ANAPC4: variants seen among roughly 807,000 people sequenced by gnomAD.
The protein encoded by ANAPC4 is anaphase promoting complex subunit 4.
Under a neutral mutation model 119.8 loss-of-function variants are expected in ANAPC4, and 63 were observed. That is an observed-to-expected ratio of 0.53 (90% CI 0.43 to 0.65). The LOEUF is 0.65. Ranked by LOEUF, ANAPC4 falls within the 30% of genes least tolerant of loss-of-function variation. ANAPC4 has a pLI of 0.00. For synonymous variants in ANAPC4, 283 were observed against 318.6 expected (o/e 0.89, Z 1.19); for missense variants, 716 against 945.1 (o/e 0.76, Z 3.18).
intron 9 of ANAPC4, among the ~76,000 whole-genome samples, chr4:25,391,405 T>C (rs1349425378): frequency 6.6e-6 from 1 of 152,258 alleles, no homozygotes; most frequent in East Asian, 1.9e-4. Context: ...AGCATCATAA[T>C]AGGCAGATAC....
intron 10 of ANAPC4, among the ~76,000 whole-genome samples, chr4:25,393,299 A>C (rs1349581057): frequency 1.3e-5 from 2 of 152,232 alleles, no homozygotes; most frequent in Non-Finnish European, 2.9e-5. Context: ...AATTCTAAGA[A>C]TCAATGGAAT....
At position 25,378,314 on chromosome 4, in the gene ANAPC4, A is replaced by T. The variant is rs1163994499; in HGVS notation, c.129+758A>T. On this transcript the variant is annotated intron_variant, in intron 2 of 28. Transcript: ENST00000315368. ...CTTGAGAGTTATCTGGCCATGTGAG[A>T]GTTGTATAGAGCCAAATTTGGAAAC... Among the ~76,000 whole-genome samples the T allele has an allele frequency of 2.0e-5, 3 of 152,236 alleles. No individual in the cohort carries two copies. In the East Asian group the frequency reaches 5.8e-4, roughly 29 times the overall value.
Position 25,405,486 on chromosome 4 carries a change from A to C in ANAPC4, c.1271-87A>C. 7.8e-7 allele frequency: 1 copy of C among 1,280,344 alleles called. No individual in the cohort carries two copies. Among genetic ancestry groups the C allele is most frequent in the East Asian group, 2.5e-5 (1 of 40,590 alleles). 79.3% of individuals were successfully genotyped at this position (1,280,344 alleles called of 1,614,324 possible). ...GTAAAATTGAAGATTTAGTTCAGTC[A>C]AACACCTTGTCTTTGAAATGTATTT... On this transcript the variant is annotated intron_variant, in intron 17 of 28. Transcript: ENST00000315368. This position sits in a 1 kb window ranked among gnomAD's most constrained non-coding sequence, Gnocchi z 4.6.
At chr4:25,411,218 C>T (rs953717622) in intron 21 of ANAPC4, among the ~76,000 whole-genome samples, 1 of 152,082 alleles carries the variant, frequency 6.6e-6, no homozygotes, top group African/African-American at 2.4e-5. Flanking sequence ...AATCAGGATG[C>T]CCAGGGAATA....
intron 8 of ANAPC4, among the ~76,000 whole-genome samples, chr4:25,390,606 C>G (rs1394952481): frequency 6.6e-6 from 1 of 152,176 alleles, no homozygotes; most frequent in Non-Finnish European, 1.5e-5. Context: ...TTCTCCATAG[C>G]TTTTTCATCA....
Position 25,390,900 on chromosome 4 carries a change from C to G in ANAPC4, c.601-11C>G. 6.2e-7 allele frequency: 1 copy of G among 1,600,618 alleles called. No homozygotes were observed. The highest frequency in any genetic ancestry group is 1.1e-5 in the South Asian group (1 of 90,576). On this transcript the variant is annotated splice_polypyrimidine_tract_variant and intron_variant, in intron 8 of 28. Transcript: ENST00000315368. Reference sequence around the variant, plus strand: ...ATACTAAATATACTAAGGGGTTTGACTCTTTTACAGATTGCTGGTACTTGT... The same window carrying G: ...ATACTAAATATACTAAGGGGTTTGAGTCTTTTACAGATTGCTGGTACTTGT...
chr4:25,408,502 CAG>C (rs1381841635), intron 20 of ANAPC4, among the ~76,000 whole-genome samples: 1 of 149,516 alleles, frequency 6.7e-6, no homozygotes. Context: ...GTGAAGCACA[CAG>C]GGGCAGATGC....
intron 21 of ANAPC4, among the ~76,000 whole-genome samples, chr4:25,411,140 T>A (rs2109142399): frequency 6.6e-6 from 1 of 152,290 alleles, no homozygotes; most frequent in South Asian, 2.1e-4. Flanking sequence ...GGAGATGCAT[T>A]GGTGCAAGTT....
intron 2 of ANAPC4, 44 bp from the exon 3 acceptor site, chr4:25,380,330 A>C: frequency 6.7e-7 from 1 of 1,496,808 alleles, no homozygotes; most frequent in Non-Finnish European, 9.2e-7. Flanking sequence ...TTATTTTTGG[A>C]AATGAATTTT....
chr4:25,400,444 C>T (rs12506959), intron 16 of ANAPC4, among the ~76,000 whole-genome samples: 84,361 of 151,882 alleles, frequency 0.56, 24,040 homozygotes, highest in Non-Finnish European at 0.61. Flanking sequence ...TTTTATTATC[C>T]TAACAAGACA....
Position 25,413,732 on chromosome 4 carries a change from A to G in ANAPC4, c.1613A>G (p.Gln538Arg), listed in dbSNP as rs1420004005. The G allele has an allele frequency of 6.2e-7, 1 of 1,611,880 alleles. No homozygotes were observed. Residue 538 changes from glutamine to arginine, a missense_variant, in exon 22 of 29, where the codon CAA (glutamine) becomes CGA (arginine). Gln to Arg is a conservative substitution (Grantham distance 43). This residue lies in a region of ANAPC4 where 504 missense variants were observed against 615.8 expected (regional missense o/e 0.82). Transcript: ENST00000315368. Reference sequence around the variant, plus strand: ...GAGAATATTATTGATCAGTGTTTGCAAAAGCCAGCAGTAAGTTTGAAAGAA... The same window carrying G: ...GAGAATATTATTGATCAGTGTTTGCGAAAGCCAGCAGTAAGTTTGAAAGAA... Reference protein sequence around the residue: ...RMENIIDQCLQKPADVIGKSM... With the variant: ...RMENIIDQCLRKPADVIGKSM...
At position 25,418,355 on chromosome 4, in the gene ANAPC4, A is replaced by G. The variant is rs980364248; in HGVS notation, c.2400A>G (p.Glu800=). The change falls in exon 29 of 29, where the codon GAA becomes GAG. Residue 800 remains glutamate, a synonymous_variant. Transcript: ENST00000315368. ...CTCCAGAGATAGTCATTAAAGTGGAAAAACTTGACCCTGAGCTAGACTCCT... is the reference window on the plus strand; with the variant it reads ...CTCCAGAGATAGTCATTAAAGTGGAGAAACTTGACCCTGAGCTAGACTCCT... ...ALAPEIVIKV[E]KLDPELDS is the part of the protein sequence containing the mutation. The G allele has an allele frequency of 9.3e-6, 15 of 1,614,048 alleles. No individual in the cohort carries two copies. The highest frequency in any genetic ancestry group is 1.2e-5 in the Non-Finnish European group (14 of 1,179,936).
chr4:25,392,545 G>T (rs1332356261), intron 10 of ANAPC4, 124 bp downstream of exon 10: 1 of 667,036 alleles, frequency 1.5e-6, no homozygotes, highest in Non-Finnish European at 2.6e-6. Flanking sequence ...TCTGATAGAT[G>T]ATCTTATAAG....
At chr4:25,386,136 C>A (rs1722020360) in intron 4 of ANAPC4, among the ~76,000 whole-genome samples, 1 of 152,066 alleles carries the variant, frequency 6.6e-6, no homozygotes, top group Non-Finnish European at 1.5e-5. Flanking sequence ...TGGTCTTGAA[C>A]TTCCGACCTC....
chr4:25,404,773 G>A (rs1723164987), intron 17 of ANAPC4, among the ~76,000 whole-genome samples: 1 of 152,072 alleles, frequency 6.6e-6, no homozygotes, highest in Admixed American at 6.5e-5. Flanking sequence ...TTTGTAAAAT[G>A]TAATCTCCAT....
At chr4:25,394,255 A>G (rs1722512916) in intron 11 of ANAPC4, 55 bp from the exon 12 acceptor site, 3 of 1,394,560 alleles carry the variant, frequency 2.2e-6, no homozygotes, top group East Asian at 2.5e-5. Flanking sequence ...TTGAATAAAT[A>G]TGCTTATAAT....
At chr4:25,393,141 A>G (rs1226946787) in intron 10 of ANAPC4, among the ~76,000 whole-genome samples, 1 of 152,206 alleles carries the variant, frequency 6.6e-6, no homozygotes, top group African/African-American at 2.4e-5. Context: ...ATTTGATATT[A>G]AAGGTTTCTA....
chr4:25,412,116 G>T (rs1577399789), intron 21 of ANAPC4, among the ~76,000 whole-genome samples: 1 of 152,004 alleles, frequency 6.6e-6, no homozygotes, highest in African/African-American at 2.4e-5. Flanking sequence ...AAAACTCCGG[G>T]AAACATATAA....
At chr4:25,414,171 G>T in intron 22 of ANAPC4, 153 bp from the exon 23 acceptor site, 1 of 567,450 alleles carries the variant, frequency 1.8e-6, no homozygotes, top group Non-Finnish European at 3.0e-6. Context: ...TTTCCTTACT[G>T]TTACAATTGT....
Sources: gnomAD v4.1 joint callset for allele counts (sites outside exome capture counted in the v4.1 genomes callset) on GRCh38, gnomAD v4.1.1 for gene constraint, gnomAD v4.1.1 regional missense constraint, Gnocchi (gnomAD v3.1) non-coding constraint, MANE v1.5 for transcripts, NCBI Gene and HGNC (gene_info 2026-07-23, HGNC 2026-07-21) for gene names.